Variants in LTA observed in about 807,000 individuals in gnomAD.
LTA encodes the protein lymphotoxin-alpha.
Under a neutral mutation model 15.1 loss-of-function variants are expected in LTA, and 6 were observed. That is an observed-to-expected ratio of 0.40 (90% CI 0.22 to 0.78). The LOEUF (loss-of-function observed/expected upper bound fraction) is 0.78. LTA is among the 30% of genes least tolerant of loss of function. LTA has a pLI of 0.38. For missense variants in LTA, 173 were observed against 249.5 expected (o/e 0.69, Z 2.06); for synonymous variants, 87 against 107.3 (o/e 0.81, Z 1.17).
upstream of LTA, among the ~76,000 whole-genome samples, chr6:31,568,432 G>A (rs1015153051): frequency 6.6e-6 from 1 of 152,148 alleles, no homozygotes; most frequent in African/African-American, 2.4e-5. The surrounding 1 kb of genome is among the most constrained non-coding windows in gnomAD (Gnocchi z 4.1). Context: ...TATTAATTGG[G>A]ATGTGTTTAG....
chr6:31,563,527 T>C, the LTA span, among the ~76,000 whole-genome samples: 4 of 152,212 alleles, frequency 2.6e-5, no homozygotes, highest in African/African-American at 9.6e-5. Context: ...GGATTAGTTA[T>C]AGGCCTCTTA....
the LTA span, among the ~76,000 whole-genome samples, chr6:31,566,378 CAT>C: frequency 2.0e-4 from 31 of 151,874 alleles, no homozygotes; most frequent in Non-Finnish European, 4.1e-4. Flanking sequence ...TGCAGTGGCA[CAT>C]GTCTGTAATT....
At chr6:31,572,083 C>G (rs1770856268), upstream of LTA, 1 of 154,596 alleles carries the variant, frequency 6.5e-6, no homozygotes, top group South Asian at 2.0e-4. Context: ...TGACCCGACT[C>G]CCTTTCCCAG....
upstream of LTA, among the ~76,000 whole-genome samples, chr6:31,567,210 G>T (rs921464214): frequency 6.6e-6 from 1 of 151,610 alleles, no homozygotes; most frequent in Non-Finnish European, 1.5e-5. Flanking sequence ...CAGGAGAATC[G>T]CTTGAACCCA....
the LTA span, among the ~76,000 whole-genome samples, chr6:31,562,833 C>T: frequency 7.4e-6 from 1 of 134,336 alleles, no homozygotes; most frequent in African/African-American, 2.9e-5. Context: ...GCACTCCAGC[C>T]TGGGTGACAG....
intron 1 of LTA, 43 bp from the exon 2 acceptor site, chr6:31,572,691 C>A: frequency 1.4e-6 from 2 of 1,466,110 alleles, no homozygotes; most frequent in Non-Finnish European, 1.9e-6. Flanking sequence ...CCGCGTGCCC[C>A]GCCCCGCTCA....
In LTA at chr6:31,572,850, G is replaced by C; in HGVS notation, c.99+9G>C. 1 of 1,611,640 alleles carries C rather than the reference G, an allele frequency of 6.2e-7. No individual in the cohort carries two copies. The highest frequency in any genetic ancestry group is 8.5e-7 in the Non-Finnish European group (1 of 1,179,762). On this transcript the variant is annotated intron_variant, in intron 2 of 3. Transcript: ENST00000418386. ...TGCTGCCTGGGGCCCAGGTGAGGCA[G>C]CAGGAGAATGGGGGCTGCTGGGGTG... is the stretch of plus-strand genomic sequence containing the variant.
chr6:31,568,708 A>C (rs1017207023), upstream of LTA, among the ~76,000 whole-genome samples: 3 of 152,148 alleles, frequency 2.0e-5, no homozygotes, highest in African/African-American at 7.2e-5. The surrounding 1 kb of genome is among the most constrained non-coding windows in gnomAD (Gnocchi z 4.1). Flanking sequence ...GAAAGTCCCA[A>C]ACCAACTGCT....
In LTA at chr6:31,573,595, C is replaced by A; in HGVS notation, c.520C>A (p.Gln174Lys). The A allele has an allele frequency of 6.2e-7, 1 of 1,614,176 alleles. No homozygotes were observed. Among genetic ancestry groups the A allele is most frequent in the Non-Finnish European group, 8.5e-7 (1 of 1,180,022 alleles). Residue 174 changes from glutamine (Q) to lysine (K), a missense_variant, in exon 4 of 4, where the codon CAG becomes AAG. By Grantham distance (53) the Gln-to-Lys change is moderately conservative. Transcript: ENST00000418386. ...LHSMYHGAAF[Q>K]LTQGDQLSTH... The stretch of plus-strand genomic sequence containing the variant: ...CTCGATGTACCACGGGGCTGCGTTC[C>A]AGCTCACCCAGGGAGACCAGCTATC...
the LTA span, among the ~76,000 whole-genome samples, chr6:31,563,584 C>T: frequency 6.6e-6 from 1 of 152,096 alleles, no homozygotes; most frequent in Admixed American, 6.6e-5. Context: ...TAAGACAAAG[C>T]CCCAAGAATG....
Position 31,573,457 on chromosome 6 carries a change from C to T in LTA, c.382C>T (p.Pro128Ser), listed in dbSNP as rs1304704598. Residue 128 changes from proline (P) to serine (S), a missense_variant, in exon 4 of 4, where the codon CCA becomes TCA. By Grantham distance (74) the Pro-to-Ser change is moderately conservative. Transcript: ENST00000418386. ...KAYSPKATSS[P>S]LYLAHEVQLF... ...CTACTCTCCCAAGGCCACCTCCTCC[C>T]CACTCTACCTGGCCCATGAGGTCCA... 6.2e-7 allele frequency: 1 copy of T among 1,614,148 alleles called. No homozygotes were observed. Among genetic ancestry groups the T allele is most frequent in the Non-Finnish European group, 8.5e-7 (1 of 1,180,018 alleles).
chr6:31,570,322 A>G (rs1489997852), upstream of LTA, among the ~76,000 whole-genome samples: 1 of 152,178 alleles, frequency 6.6e-6, no homozygotes, highest in Non-Finnish European at 1.5e-5. Context: ...TGTTACTTAC[A>G]TGTCCCTCCA....
chr6:31,571,825 G>A (rs36221311), upstream of LTA, among the ~76,000 whole-genome samples: 9 of 152,320 alleles, frequency 5.9e-5, no homozygotes, highest in Admixed American at 2.6e-4. Context: ...TGGAAAGTCC[G>A]TATACTGGGA....
At chr6:31,561,304 C>T in the LTA span, among the ~76,000 whole-genome samples, 1 of 152,156 alleles carries the variant, frequency 6.6e-6, no homozygotes, top group Non-Finnish European at 1.5e-5. Flanking sequence ...AGTAAGAAAA[C>T]GGCCATCATC....
upstream of LTA, among the ~76,000 whole-genome samples, chr6:31,569,170 C>T (rs1345265757): frequency 2.0e-5 from 3 of 152,032 alleles, no homozygotes; most frequent in Admixed American, 6.6e-5. Flanking sequence ...CCACCATGCT[C>T]GGCTAATTTT....
the LTA span, among the ~76,000 whole-genome samples, chr6:31,563,417 G>A: frequency 6.6e-6 from 1 of 152,168 alleles, no homozygotes; most frequent in Admixed American, 6.5e-5. Flanking sequence ...GAGGCACGGA[G>A]ATTTAGAACA....
Position 31,573,940 on chromosome 6 carries a change from A to C in LTA, c.*247A>C. 1 of 686,172 alleles carries C rather than the reference A, an allele frequency of 1.5e-6. No homozygotes were observed. The highest frequency in any genetic ancestry group is 2.7e-6 in the Non-Finnish European group (1 of 376,638). 42.5% of individuals were successfully genotyped at this position (686,172 alleles called of 1,614,324 possible). On this transcript the variant is annotated 3_prime_UTR_variant, in exon 4 of 4. Transcript: ENST00000418386. ...ATTTCAAGCCTGCCTAGGAATTCCC[A>C]GCCCAAAGCTGTTGGTCTGTCCCAC...
At chr6:31,569,395 A>G (rs1770720666), upstream of LTA, among the ~76,000 whole-genome samples, 1 of 152,240 alleles carries the variant, frequency 6.6e-6, no homozygotes, top group African/African-American at 2.4e-5. Context: ...AAGAGACAAC[A>G]GGAAGCAAAA....
the LTA span, among the ~76,000 whole-genome samples, chr6:31,562,896 C>G: frequency 8.0e-3 from 1,195 of 149,284 alleles, 24 homozygotes; most frequent in South Asian, 0.045. Context: ...TGCGGTGGCT[C>G]ACCCTTGTAA....
Sources: allele counts gnomAD v4.1 joint callset (sites outside exome capture counted in the v4.1 genomes callset), GRCh38; gene constraint gnomAD v4.1.1; non-coding constraint Gnocchi (gnomAD v3.1); transcripts MANE v1.5; gene names NCBI Gene and HGNC (gene_info 2026-07-23, HGNC 2026-07-21).